RAD51B: variants seen among roughly 807,000 people sequenced by gnomAD.
RAD51B encodes the protein DNA repair protein RAD51 homolog 2.
In RAD51B, 38 loss-of-function variants were observed where a neutral mutation model predicts 42.2. The observed-to-expected ratio is 0.90, with a 90% CI of 0.70 to 1.18. The LOEUF (loss-of-function observed/expected upper bound fraction) is 1.18. Ranked by LOEUF, RAD51B falls within the 50% of genes most tolerant of loss-of-function variation. The pLI is 0.00. For synonymous variants in RAD51B, 154 were observed against 145.2 expected (o/e 1.06, Z -0.43); for missense variants, 373 against 400.7 (o/e 0.93, Z 0.59).
At chr14:68,206,944 C>T (rs1026318397) in intron 7 of RAD51B, among the ~76,000 whole-genome samples, 4 of 152,068 alleles carry the variant, frequency 2.6e-5, no homozygotes, top group Non-Finnish European at 4.4e-5. Flanking sequence ...CGCCCGCCAA[C>T]GCGCCCGGCT....
intron 10 of RAD51B, chr14:68,594,373 C>T: frequency 9.5e-7 from 1 of 1,050,860 alleles, no homozygotes; most frequent in Non-Finnish European, 1.3e-6. Flanking sequence ...TGCCATACCC[C>T]TTGAACTCTC....
exon 11 of RAD51B, chr14:68,595,938 T>C: frequency 2.0e-6 from 1 of 488,858 alleles, no homozygotes; most frequent in Non-Finnish European, 2.8e-6. Context: ...TTTTATTTCT[T>C]TTTTGGAATT....
At chr14:68,682,643 G>A (rs751807318) in intron 11 of RAD51B, among the ~76,000 whole-genome samples, 6 of 152,072 alleles carry the variant, frequency 3.9e-5, no homozygotes, top group Admixed American at 1.3e-4. Context: ...AGCAATTGCT[G>A]AGTTAAGCAC....
At position 68,639,745 on chromosome 14, in the gene RAD51B, T is replaced by A. The variant is rs544795626; in HGVS notation, c.1037-11036T>A. Among the ~76,000 whole-genome samples, 5 of 152,116 alleles carry A rather than the reference T, an allele frequency of 3.3e-5. No individual in the cohort carries two copies. The South Asian group carries it at 8.3e-4, about 25-fold the overall frequency. On this transcript the variant is annotated intron_variant, in intron 10 of 11. Coordinates refer to the RAD51B transcript ENST00000488612. ...GCTGCCATAAGGCCTGTGGGAGAGGTGGGCAGAGCCAGGGTTTTGTTTTGT... is the reference window on the plus strand; with the variant it reads ...GCTGCCATAAGGCCTGTGGGAGAGGAGGGCAGAGCCAGGGTTTTGTTTTGT...
intron 7 of RAD51B, among the ~76,000 whole-genome samples, chr14:67,891,690 A>G (rs192720656): frequency 6.6e-6 from 1 of 152,028 alleles, no homozygotes; most frequent in African/African-American, 2.4e-5. Context: ...CTGTTCCATT[A>G]TGCCAAGTGG....
Position 68,163,938 on chromosome 14 carries a change from G to A in RAD51B, c.757-127946G>A, listed in dbSNP as rs564314033. On this transcript the variant is annotated intron_variant, in intron 7 of 10. Transcript: ENST00000471583. ...AAAAAATACTGTAATAAATGGTGCTGGGTTAATTAATATATTATTAATATG... is the reference window on the plus strand; with the variant it reads ...AAAAAATACTGTAATAAATGGTGCTAGGTTAATTAATATATTATTAATATG... Among the ~76,000 whole-genome samples, 3 of 152,262 alleles carry A rather than the reference G, an allele frequency of 2.0e-5. No homozygotes were observed. The East Asian group carries it at 5.8e-4, about 29-fold the overall frequency.
intron 10 of RAD51B, among the ~76,000 whole-genome samples, chr14:68,523,069 C>G (rs1227305166): frequency 6.6e-5 from 10 of 152,218 alleles, no homozygotes; most frequent in Admixed American, 5.2e-4. Context: ...CCCCGGGGAC[C>G]CTTTTGTTTT....
At chr14:68,596,889 GTCC>G (rs1490363347), downstream of RAD51B, among the ~76,000 whole-genome samples, 1 of 152,216 alleles carries the variant, frequency 6.6e-6, no homozygotes, top group Non-Finnish European at 1.5e-5. Context: ...GAGTGCAGCT[GTCC>G]TCCTGGCCGA....
chr14:68,184,454 A>T (rs1163713645), intron 7 of RAD51B, among the ~76,000 whole-genome samples: 5 of 151,950 alleles, frequency 3.3e-5, no homozygotes, highest in Non-Finnish European at 5.9e-5. Context: ...CATGTTACCC[A>T]GGCTGGTCTT....
intron 7 of RAD51B, among the ~76,000 whole-genome samples, chr14:67,919,702 CCTAT>C (rs1003589402): frequency 7.2e-5 from 11 of 152,158 alleles, no homozygotes; most frequent in South Asian, 2.1e-4. Flanking sequence ...CGTTAATAAA[CCTAT>C]CTGTTTTTCT....
chr14:68,171,267 A>T (rs2078866032), intron 7 of RAD51B, among the ~76,000 whole-genome samples: 1 of 152,178 alleles, frequency 6.6e-6, no homozygotes, highest in Non-Finnish European at 1.5e-5. Flanking sequence ...GGAGAAAAGG[A>T]TTCAAGACTA....
chr14:67,901,866 A>T (rs957540607), intron 7 of RAD51B, among the ~76,000 whole-genome samples: 2 of 151,570 alleles, frequency 1.3e-5, no homozygotes. Context: ...GTACCCATGG[A>T]TGTAGAGTGT....
At chr14:68,085,986 C>A (rs2076977506) in intron 7 of RAD51B, among the ~76,000 whole-genome samples, 1 of 152,174 alleles carries the variant, frequency 6.6e-6, no homozygotes, top group Non-Finnish European at 1.5e-5. Flanking sequence ...TTTAGTTTTG[C>A]CGTCTGTAGG....
intron 8 of RAD51B, among the ~76,000 whole-genome samples, chr14:68,312,648 C>T (rs1272671379): frequency 6.6e-6 from 1 of 152,198 alleles, no homozygotes; most frequent in Non-Finnish European, 1.5e-5. Context: ...TTTCTTTCCA[C>T]AGTTTATAGA....
chr14:67,994,875 T>A (rs1459901151), intron 7 of RAD51B, among the ~76,000 whole-genome samples: 4 of 152,186 alleles, frequency 2.6e-5, no homozygotes, highest in Admixed American at 1.3e-4. Flanking sequence ...CCAAATGTCA[T>A]CAGTAGATGA....
At chr14:67,893,372 T>A (rs1230460727) in intron 7 of RAD51B, among the ~76,000 whole-genome samples, 1 of 151,396 alleles carries the variant, frequency 6.6e-6, no homozygotes, top group Admixed American at 6.6e-5. Flanking sequence ...AATCCCAGCA[T>A]TTGGGAAGCT....
At chr14:68,217,324 A>G (rs1019403980) in intron 7 of RAD51B, among the ~76,000 whole-genome samples, 1 of 152,198 alleles carries the variant, frequency 6.6e-6, no homozygotes, top group Non-Finnish European at 1.5e-5. Context: ...TCAGTTATCT[A>G]TAGACCTCTG....
At chr14:68,050,387 T>C (rs1488642362) in intron 7 of RAD51B, among the ~76,000 whole-genome samples, 2 of 152,222 alleles carry the variant, frequency 1.3e-5, no homozygotes, top group Non-Finnish European at 2.9e-5. Flanking sequence ...GACTCATCAA[T>C]ATACCAGCAT....
intron 7 of RAD51B, among the ~76,000 whole-genome samples, chr14:68,195,091 TGTG>T (rs2079342695): frequency 1.3e-5 from 2 of 152,164 alleles, no homozygotes; most frequent in Non-Finnish European, 1.5e-5. Flanking sequence ...CTAAAAACCT[TGTG>T]AGGGGAAACC....
Sources: gnomAD v4.1 joint callset for allele counts (sites outside exome capture counted in the v4.1 genomes callset) on GRCh38, gnomAD v4.1.1 for gene constraint, MANE v1.5 for transcripts, NCBI Gene and HGNC (gene_info 2026-07-23, HGNC 2026-07-21) for gene names.